EPHA6: variants seen among roughly 807,000 people sequenced by gnomAD.
The protein encoded by EPHA6 is EPH receptor A6, also known as ephrin type-A receptor 6.
EPHA6 carries 50 observed loss-of-function variants against 112.0 expected under a neutral mutation model. The ratio of observed to expected loss-of-function variants is 0.45; its 90% CI spans 0.36 to 0.56. EPHA6 has a LOEUF of 0.56. EPHA6 is among the 20% of genes least tolerant of loss of function. The pLI, the probability that EPHA6 is intolerant of heterozygous loss-of-function variation, is 0.00. For synonymous variants in EPHA6, 529 were observed against 490.7 expected, an observed-to-expected ratio of 1.08 and a Z score of -1.03; for missense variants, 1,280 against 1,417.4, an observed-to-expected ratio of 0.90 and a Z score of 1.56.
chr3:97,726,174 T>A (rs2107813270), intron 15 of EPHA6, among the ~76,000 whole-genome samples: 1 of 152,212 alleles, frequency 6.6e-6, no homozygotes, highest in Non-Finnish European at 1.5e-5. Context: ...CTGAGGCTTA[T>A]AAAGTACAAG....
chr3:97,354,465 A>T (rs893355371), intron 5 of EPHA6, among the ~76,000 whole-genome samples: 15 of 152,084 alleles, frequency 9.9e-5, no homozygotes, highest in Admixed American at 4.6e-4. Context: ...AATACAATTG[A>T]CATACAAAGA....
chr3:97,289,098 G>A (rs2080587002), intron 5 of EPHA6, among the ~76,000 whole-genome samples: 1 of 151,920 alleles, frequency 6.6e-6, no homozygotes, highest in Non-Finnish European at 1.5e-5. Flanking sequence ...CAGGTCACAA[G>A]TCAATTTTTG....
rs2091465335 is a variant in EPHA6, at chr3:97,479,346, C to T, written c.2056C>T (p.His686Tyr). ...KMKSEEKRRN[H>Y]LQNGHLRFPG... ...GAAGTCAGAAGAGAAGAGAAGAAACCACTTACAGAATGGGCATTGTAAGTA... is the reference window on the plus strand; with the variant it reads ...GAAGTCAGAAGAGAAGAGAAGAAACTACTTACAGAATGGGCATTGTAAGTA... The change falls in exon 9 of 18, where the codon CAC becomes TAC. Residue 686 changes from histidine (H) to tyrosine (Y), a missense_variant. Around this residue, in one of 4 missense-constraint regions of EPHA6, gnomAD observed 878 missense variants for 999.7 expected, o/e 0.88. Coordinates refer to ENST00000389672, the MANE Select transcript of EPHA6 (RefSeq NM_001080448.3). The T allele has an allele frequency of 2.5e-6, 4 of 1,605,430 alleles. No individual in the cohort carries two copies. Among genetic ancestry groups the T allele is most frequent in the South Asian group, 2.2e-5 (2 of 89,130 alleles).
intron 12 of EPHA6, among the ~76,000 whole-genome samples, chr3:97,607,313 A>G (rs1032033910): frequency 6.6e-6 from 1 of 151,036 alleles, no homozygotes; most frequent in African/African-American, 2.4e-5. Context: ...TTATGATTAT[A>G]TAGTTTATCC....
chr3:96,828,612 G>A (rs1468816479), intron 1 of EPHA6, among the ~76,000 whole-genome samples: 1 of 152,148 alleles, frequency 6.6e-6, no homozygotes, highest in Non-Finnish European at 1.5e-5. Context: ...CCCGGAATCA[G>A]ATATTCGACC....
At chr3:97,050,210 C>T (rs569382434) in intron 3 of EPHA6, among the ~76,000 whole-genome samples, 1 of 152,008 alleles carries the variant, frequency 6.6e-6, no homozygotes, top group Non-Finnish European at 1.5e-5. Flanking sequence ...GGTGGGAACC[C>T]TCCAAAAAAG....
intron 2 of EPHA6, among the ~76,000 whole-genome samples, chr3:96,927,309 T>C (rs1285425237): frequency 5.3e-5 from 8 of 152,176 alleles, no homozygotes; most frequent in South Asian, 2.1e-4. Context: ...TTAGAGCCTA[T>C]GATGGGAAGG....
chr3:97,220,018 C>G (rs2078144669), intron 3 of EPHA6, among the ~76,000 whole-genome samples: 1 of 152,202 alleles, frequency 6.6e-6, no homozygotes, highest in African/African-American at 2.4e-5. Context: ...GTTCAAGGTT[C>G]CACAGATCTC....
At chr3:97,559,572 C>T (rs758310974) in intron 11 of EPHA6, 2 of 453,732 alleles carry the variant, frequency 4.4e-6, no homozygotes, top group South Asian at 3.1e-5. Flanking sequence ...ACCCTACTCA[C>T]TTCTTTCTCA....
chr3:97,038,138 T>A (rs2108042995), intron 3 of EPHA6, among the ~76,000 whole-genome samples: 1 of 152,178 alleles, frequency 6.6e-6, no homozygotes, highest in East Asian at 1.9e-4. Context: ...TGTTAAATAT[T>A]TATCTTTTCG....
intron 1 of EPHA6, among the ~76,000 whole-genome samples, chr3:96,833,327 C>A (rs2034203214): frequency 1.3e-5 from 2 of 151,276 alleles, no homozygotes; most frequent in Admixed American, 1.3e-4. Context: ...TGCCAGAAAG[C>A]CACACAAAAA....
At chr3:97,603,353 C>T (rs894507143) in intron 12 of EPHA6, among the ~76,000 whole-genome samples, 3 of 151,940 alleles carry the variant, frequency 2.0e-5, no homozygotes, top group Admixed American at 6.6e-5. Context: ...CTCACACCTT[C>T]CATTTACTCT....
In EPHA6 at chr3:97,579,418, C is replaced by T. The variant is rs571825800; in HGVS notation, c.2387-13194C>T. On this transcript the variant is annotated intron_variant, in intron 11 of 17. Transcript: ENST00000389672. Reference sequence around the variant, plus strand: ...CACCTCTTAATGATTGAGATTGAGCCAACTGCTCATTCAGCTGAGGTGAAT... The same window carrying T: ...CACCTCTTAATGATTGAGATTGAGCTAACTGCTCATTCAGCTGAGGTGAAT... Among the ~76,000 whole-genome samples, 55 of 152,258 alleles carry T rather than the reference C, an allele frequency of 3.6e-4. 1 individual carries two copies. The South Asian group carries it at 7.3e-3, about 20-fold the overall frequency.
chr3:97,695,240 G>A (rs2107718921), intron 14 of EPHA6, among the ~76,000 whole-genome samples: 1 of 152,242 alleles, frequency 6.6e-6, no homozygotes, highest in South Asian at 2.1e-4. Flanking sequence ...TTGATTAATA[G>A]GGTTAGTGAT....
At chr3:97,137,949 A>G (rs2075805345) in intron 3 of EPHA6, among the ~76,000 whole-genome samples, 1 of 152,090 alleles carries the variant, frequency 6.6e-6, no homozygotes, top group African/African-American at 2.4e-5. Flanking sequence ...CCTCTTCCAC[A>G]GAAAGGAACC....
intron 12 of EPHA6, among the ~76,000 whole-genome samples, chr3:97,603,141 A>T (rs746002817): frequency 3.4e-4 from 51 of 152,180 alleles, no homozygotes; most frequent in Middle Eastern, 3.4e-3. Context: ...ATCTTATAGT[A>T]AAAACAATCC....
At chr3:96,866,357 A>G (rs1309838394) in intron 1 of EPHA6, among the ~76,000 whole-genome samples, 4 of 152,040 alleles carry the variant, frequency 2.6e-5, no homozygotes, top group Non-Finnish European at 4.4e-5. Flanking sequence ...TAAAGATTAT[A>G]AGATTTTTCA....
At chr3:97,578,963 T>G (rs1413418799) in intron 11 of EPHA6, among the ~76,000 whole-genome samples, 1 of 152,218 alleles carries the variant, frequency 6.6e-6, no homozygotes, top group Non-Finnish European at 1.5e-5. Flanking sequence ...TATCAATATA[T>G]GCCATTAACC....
intron 3 of EPHA6, among the ~76,000 whole-genome samples, chr3:97,121,007 A>G (rs1283454761): frequency 1.3e-5 from 2 of 152,138 alleles, no homozygotes; most frequent in East Asian, 3.9e-4. Flanking sequence ...CGTTCCTGCC[A>G]AGATCACACA....
Sources: allele counts gnomAD v4.1 joint callset (sites outside exome capture counted in the v4.1 genomes callset), GRCh38; gene constraint gnomAD v4.1.1; regional missense constraint gnomAD v4.1.1; transcripts MANE v1.5; gene names NCBI Gene and HGNC (gene_info 2026-07-23, HGNC 2026-07-21).